Variants in DTNB observed in about 807,000 individuals in gnomAD.
The protein encoded by DTNB is DTN-B.
A neutral mutation model predicts 90.7 loss-of-function variants in DTNB; 63 were observed. The observed-to-expected ratio is 0.69, with a 90% CI of 0.57 to 0.86. The LOEUF is 0.86. Ranked by LOEUF, DTNB falls within the 40% of genes least tolerant of loss-of-function variation. The probability of loss-of-function intolerance (pLI) is 0.00; values close to 1 mark genes in which losing one functional copy is unlikely to be tolerated. For missense variants in DTNB, 744 were observed against 807.1 expected (o/e 0.92, Z 0.95); for synonymous variants, 277 against 286.7 (o/e 0.97, Z 0.34).
At chr2:25,503,364 C>T (rs979793504) in intron 9 of DTNB, among the ~76,000 whole-genome samples, 1 of 151,878 alleles carries the variant, frequency 6.6e-6, no homozygotes, top group Non-Finnish European at 1.5e-5. Flanking sequence ...TGTGGTAGTG[C>T]GTGCCTGTGG....
At chr2:25,453,890 G>C (rs1162711168) in intron 11 of DTNB, among the ~76,000 whole-genome samples, 1 of 152,224 alleles carries the variant, frequency 6.6e-6, no homozygotes, top group African/African-American at 2.4e-5. Flanking sequence ...GCTCATGCCT[G>C]TAATCCCAGC....
intron 16 of DTNB, among the ~76,000 whole-genome samples, chr2:25,416,166 G>A (rs765303209): frequency 6.6e-6 from 1 of 152,152 alleles, no homozygotes; most frequent in Non-Finnish European, 1.5e-5. Context: ...GCAGAGAACT[G>A]AATTTTTTGG....
chr2:25,386,823 G>C (rs2039601461), intron 18 of DTNB, among the ~76,000 whole-genome samples: 2 of 152,184 alleles, frequency 1.3e-5, no homozygotes, highest in South Asian at 4.1e-4. Flanking sequence ...ACAAAAGGAG[G>C]GAATAGGTTT....
intron 6 of DTNB, among the ~76,000 whole-genome samples, chr2:25,584,182 G>A (rs1443099477): frequency 6.6e-6 from 1 of 152,128 alleles, no homozygotes; most frequent in East Asian, 1.9e-4. Context: ...AGACATTATT[G>A]GTCTTTTTCA....
At chr2:25,488,840 G>A (rs906704477) in intron 9 of DTNB, among the ~76,000 whole-genome samples, 1 of 152,162 alleles carries the variant, frequency 6.6e-6, no homozygotes, top group Non-Finnish European at 1.5e-5. Flanking sequence ...TTGTAGAGAC[G>A]GGGTTTCGCC....
intron 2 of DTNB, among the ~76,000 whole-genome samples, chr2:25,650,946 G>A (rs1358433759): frequency 6.7e-6 from 1 of 149,346 alleles, no homozygotes; most frequent in East Asian, 2.0e-4. Context: ...GGGCGGCTGA[G>A]TGAGACTCCC....
intron 10 of DTNB, among the ~76,000 whole-genome samples, chr2:25,459,534 C>T (rs2060598109): frequency 6.6e-6 from 1 of 152,120 alleles, no homozygotes; most frequent in South Asian, 2.1e-4. Flanking sequence ...CGCTCTGTTG[C>T]CCAGGCTGGA....
At chr2:25,627,364 C>T (rs962354505) in intron 4 of DTNB, among the ~76,000 whole-genome samples, 3 of 151,380 alleles carry the variant, frequency 2.0e-5, no homozygotes, top group Admixed American at 6.6e-5. Context: ...GTGAGCCGAG[C>T]TTGCACACCA....
At chr2:25,383,769 G>C (rs1390426392) in intron 19 of DTNB, 67 bp downstream of exon 19, 14 of 1,613,294 alleles carry the variant, frequency 8.7e-6, no homozygotes, top group Non-Finnish European at 1.1e-5. Context: ...GAAACAAAGT[G>C]GGGGGCGGCT....
chr2:25,469,413 G>A (rs2062378925), intron 10 of DTNB, among the ~76,000 whole-genome samples: 1 of 152,146 alleles, frequency 6.6e-6, no homozygotes, highest in Admixed American at 6.5e-5. Flanking sequence ...TGGGCACCAT[G>A]AAGGGTTGCC....
chr2:25,620,261 T>C (rs1049883640), intron 4 of DTNB, among the ~76,000 whole-genome samples: 1 of 151,950 alleles, frequency 6.6e-6, no homozygotes, highest in African/African-American at 2.4e-5. Context: ...AGCAGTGTTA[T>C]CATTAAACCA....
chr2:25,433,590 A>G (rs1026226308), intron 13 of DTNB, among the ~76,000 whole-genome samples: 20 of 151,920 alleles, frequency 1.3e-4, no homozygotes, highest in African/African-American at 4.8e-4. Flanking sequence ...CAAGATGACT[A>G]GATACAGCAA....
intron 6 of DTNB, among the ~76,000 whole-genome samples, chr2:25,582,817 G>C (rs2061748039): frequency 6.6e-6 from 1 of 152,184 alleles, no homozygotes; most frequent in Non-Finnish European, 1.5e-5. Flanking sequence ...TATTGTTTGA[G>C]ACCTTGGTGG....
At chr2:25,632,898 A>T (rs2076076104) in intron 3 of DTNB, among the ~76,000 whole-genome samples, 2 of 152,206 alleles carry the variant, frequency 1.3e-5, no homozygotes, top group Non-Finnish European at 2.9e-5. Flanking sequence ...AATGGGAATG[A>T]GATAAAAAAT....
intron 4 of DTNB, among the ~76,000 whole-genome samples, chr2:25,615,089 C>T (rs1345254506): frequency 6.6e-6 from 1 of 152,210 alleles, no homozygotes; most frequent in Non-Finnish European, 1.5e-5. Context: ...GTTTGCTAGA[C>T]TGGCTCACAG....
chr2:25,499,236 G>A (rs903112762), intron 9 of DTNB, among the ~76,000 whole-genome samples: 1 of 152,078 alleles, frequency 6.6e-6, no homozygotes, highest in Non-Finnish European at 1.5e-5. Flanking sequence ...GAAGGAAAGG[G>A]GGGCAGTGGA....
chr2:25,654,140 G>A (rs2081596338), intron 1 of DTNB, among the ~76,000 whole-genome samples: 1 of 152,180 alleles, frequency 6.6e-6, no homozygotes, highest in African/African-American at 2.4e-5. Flanking sequence ...AAGCAGCAGG[G>A]CCAAGAGATT....
intron 12 of DTNB, among the ~76,000 whole-genome samples, chr2:25,449,511 G>A (rs1574613946): frequency 6.6e-6 from 1 of 152,118 alleles, no homozygotes; most frequent in Non-Finnish European, 1.5e-5. Flanking sequence ...CTTTTTCATT[G>A]TAGCCATTCT....
At chr2:25,420,587 CTCACTGCA>C (rs1214433278) in intron 15 of DTNB, among the ~76,000 whole-genome samples, 1 of 152,016 alleles carries the variant, frequency 6.6e-6, no homozygotes, top group Non-Finnish European at 1.5e-5. Context: ...GCGATATGGG[CTCACTGCA>C]ACCTCCACCT....
Sources: allele counts gnomAD v4.1 joint callset (sites outside exome capture counted in the v4.1 genomes callset), GRCh38; gene constraint gnomAD v4.1.1; transcripts MANE v1.5; gene names NCBI Gene and HGNC (gene_info 2026-07-23, HGNC 2026-07-21).